The following HK1 variants were observed in gnomAD, a reference collection of about 807,000 sequenced individuals.
The protein encoded by HK1 is hexokinase-1.
In HK1, 28 loss-of-function variants were observed where a neutral mutation model predicts 91.6. That is an observed-to-expected ratio of 0.31 (90% CI 0.23 to 0.42). The LOEUF is 0.42. HK1 is among the 10% of genes least tolerant of loss of function. HK1 has a pLI of 1.00. For synonymous variants in HK1, 430 were observed against 468.1 expected, an observed-to-expected ratio of 0.92 and a Z score of 1.05; for missense variants, 770 against 1,219.8, an observed-to-expected ratio of 0.63 and a Z score of 5.49.
At chr10:69,341,150 A>G (rs1213721686) in intron 1 of HK1, among the ~76,000 whole-genome samples, 3 of 151,868 alleles carry the variant, frequency 2.0e-5, no homozygotes, top group Non-Finnish European at 2.9e-5. Context: ...AAAAATATAT[A>G]TACATATTTC....
intron 1 of HK1, among the ~76,000 whole-genome samples, chr10:69,280,132 T>G (rs930394428): frequency 6.6e-6 from 1 of 152,064 alleles, no homozygotes; most frequent in Non-Finnish European, 1.5e-5. Context: ...GGTTTTGTTT[T>G]TTTTTTTTAG....
intron 13 of HK1, 74 bp downstream of exon 13, chr10:69,386,492 A>G: frequency 2.4e-6 from 3 of 1,258,066 alleles, no homozygotes. Flanking sequence ...TGCCTGTTGT[A>G]AAGAATTCAG....
chr10:69,279,854 T>G (rs1844652048), intron 1 of HK1, among the ~76,000 whole-genome samples: 1 of 152,244 alleles, frequency 6.6e-6, no homozygotes, highest in Non-Finnish European at 1.5e-5. Flanking sequence ...TCATGTCAGC[T>G]GCTCAGCTGG....
In HK1 at chr10:69,291,755, A is replaced by C. The variant is rs562130338; in HGVS notation, c.-115+2985A>C. Reference sequence around the variant, plus strand: ...TCATGCTCGGGATATTGAAATTTCCACTGTTAGTGTAAGGAAGGGCCAAAA... The same window carrying C: ...TCATGCTCGGGATATTGAAATTTCCCCTGTTAGTGTAAGGAAGGGCCAAAA... On this transcript the variant is annotated intron_variant, in intron 3 of 21. Transcript: ENST00000360289. Among the ~76,000 whole-genome samples, 7 of 152,308 alleles carry C rather than the reference A, an allele frequency of 4.6e-5. No individual in the cohort carries two copies. In the South Asian group the frequency reaches 1.0e-3, roughly 23 times the overall value.
intron 1 of HK1, among the ~76,000 whole-genome samples, chr10:69,282,048 C>T (rs1249285676): frequency 6.6e-6 from 1 of 152,180 alleles, no homozygotes; most frequent in African/African-American, 2.4e-5. Context: ...ATTAAGGCTC[C>T]AGGGCTGAAG....
intron 7 of HK1, among the ~76,000 whole-genome samples, chr10:69,373,167 C>T (rs779359971): frequency 1.5e-4 from 23 of 152,216 alleles, no homozygotes; most frequent in Non-Finnish European, 2.5e-4. Flanking sequence ...CCGTGCCCAG[C>T]CATTAACCAG....
intron 4 of HK1, among the ~76,000 whole-genome samples, chr10:69,298,486 G>A (rs1845683674): frequency 6.6e-6 from 1 of 151,626 alleles, no homozygotes; most frequent in Non-Finnish European, 1.5e-5. Context: ...AATTAGCTGA[G>A]CATGGTGATG....
At position 69,380,107 on chromosome 10, in the gene HK1, C is replaced by T. The variant is rs1263035170; in HGVS notation, c.1265+12C>T. The T allele has an allele frequency of 1.9e-6, 3 of 1,598,930 alleles. No homozygotes were observed. Among genetic ancestry groups the T allele is most frequent in the Middle Eastern group, 1.7e-4 (1 of 6,030 alleles). ...AAGACGCACCCACAGTGAGTCTGCC[C>T]TTTGCTATCATTGGCACTCTGTACC... On this transcript the variant is annotated intron_variant, in intron 9 of 17. Coordinates refer to ENST00000359426, the MANE Select transcript of HK1 (RefSeq NM_000188.3). The surrounding 1 kb of genome is among the most constrained non-coding windows in gnomAD (Gnocchi z 4.0).
At position 69,369,919 on chromosome 10, in the gene HK1, G is replaced by A. The variant is rs1253662581; in HGVS notation, c.875+295G>A. On this transcript the variant is annotated intron_variant, in intron 7 of 17. Coordinates refer to ENST00000359426, the MANE Select transcript of HK1 (RefSeq NM_000188.3). The surrounding 1 kb of genome is among the most constrained non-coding windows in gnomAD (Gnocchi z 4.4). ...TGCCCAGCTAATTTTTGTATTTTTAGTAGAGACAGAGTTTCACCATGTTGG... is the reference window on the plus strand; with the variant it reads ...TGCCCAGCTAATTTTTGTATTTTTAATAGAGACAGAGTTTCACCATGTTGG... 1.3e-5 allele frequency among the ~76,000 whole-genome samples: 2 copies of A among 152,070 alleles called. No homozygotes were observed. The highest frequency in any genetic ancestry group is 2.9e-5 in the Non-Finnish European group (2 of 68,012).
intron 5 of HK1, among the ~76,000 whole-genome samples, chr10:69,368,881 A>C (rs1457322524): frequency 1.3e-5 from 2 of 152,180 alleles, no homozygotes; most frequent in Non-Finnish European, 2.9e-5. Context: ...GTGCTGGGCT[A>C]TTCAGGGAGT....
chr10:69,321,241 C>T (rs992924372), intron 1 of HK1, among the ~76,000 whole-genome samples: 14 of 152,202 alleles, frequency 9.2e-5, no homozygotes, highest in South Asian at 4.1e-4. Context: ...ATTGCGCCAC[C>T]GCACTCCAGC....
chr10:69,322,406 C>A (rs111941068), intron 1 of HK1, among the ~76,000 whole-genome samples: 1 of 152,098 alleles, frequency 6.6e-6, no homozygotes, highest in Admixed American at 6.6e-5. Flanking sequence ...ATTATCCAGA[C>A]GGCATCTGCA....
In HK1 at chr10:69,392,114, G is replaced by A. The variant is rs147991474; in HGVS notation, c.2036-11G>A. ...GGCCACCGCTCCTCATTGCCCCCTC[G>A]TGTGTTCCAGGGACCGGCAGCAATG... On this transcript the variant is annotated splice_polypyrimidine_tract_variant and intron_variant, in intron 14 of 17. Transcript: ENST00000359426. 15 of 1,614,072 alleles carry A rather than the reference G, an allele frequency of 9.3e-6. No individual in the cohort carries two copies. In the African/African-American group the frequency reaches 1.1e-4, roughly 11 times the overall value.
chr10:69,360,106 G>T (rs1293706169), intron 3 of HK1, 61 bp downstream of exon 3: 2 of 1,523,710 alleles, frequency 1.3e-6, no homozygotes, highest in Non-Finnish European at 1.8e-6. Flanking sequence ...TTACCTCCAG[G>T]AACCAGGCCT....
chr10:69,378,368 A>T (rs1271583909), intron 8 of HK1, among the ~76,000 whole-genome samples: 2 of 152,012 alleles, frequency 1.3e-5, no homozygotes, highest in Non-Finnish European at 2.9e-5. Flanking sequence ...CATTCTCTAA[A>T]ATCAGGAGCG....
At chr10:69,316,851 G>A (rs766470056), upstream of HK1, among the ~76,000 whole-genome samples, 2 of 152,242 alleles carry the variant, frequency 1.3e-5, no homozygotes, top group Admixed American at 1.3e-4. Flanking sequence ...TCCTCAAGGA[G>A]TTTCCAGCCC....
At chr10:69,356,500 C>T (rs566217770) in intron 2 of HK1, among the ~76,000 whole-genome samples, 1 of 152,192 alleles carries the variant, frequency 6.6e-6, no homozygotes, top group Non-Finnish European at 1.5e-5. Flanking sequence ...AAAAGACAAT[C>T]CACTGAATGG....
intron 10 of HK1, among the ~76,000 whole-genome samples, chr10:69,383,282 G>A (rs187344347): frequency 1.3e-5 from 2 of 152,372 alleles, no homozygotes; most frequent in African/African-American, 4.8e-5. Context: ...TAAACACTCA[G>A]TGTACCCTTC....
chr10:69,276,118 A>AAAAAAAAAAATATAT, intron 1 of HK1, among the ~76,000 whole-genome samples: 3 of 38,272 alleles, frequency 7.8e-5, no homozygotes, highest in African/African-American at 2.3e-4. Context: ...AAAAAAAAAA[A>AAAAAAAAAAATATAT]ATACATATAT....
Sources: gnomAD v4.1 joint callset for allele counts (sites outside exome capture counted in the v4.1 genomes callset) on GRCh38, gnomAD v4.1.1 for gene constraint, Gnocchi (gnomAD v3.1) non-coding constraint, MANE v1.5 for transcripts, NCBI Gene and HGNC (gene_info 2026-07-23, HGNC 2026-07-21) for gene names.